The following SGPP1 variants were observed in gnomAD, a reference collection of about 807,000 sequenced individuals.
SGPP1 encodes hSPP1.
SGPP1 carries 21 observed loss-of-function variants against 33.0 expected under a neutral mutation model. That is an observed-to-expected ratio of 0.64 (90% CI 0.45 to 0.92). SGPP1 has a LOEUF of 0.92. Ranked by LOEUF, SGPP1 falls within the 40% of genes least tolerant of loss-of-function variation. The pLI is 0.00. For synonymous variants in SGPP1, 239 were observed against 241.2 expected (o/e 0.99, Z 0.08); for missense variants, 543 against 589.4 (o/e 0.92, Z 0.81).
intron 2 of SGPP1, among the ~76,000 whole-genome samples, chr14:63,687,205 C>T (rs984638645): frequency 6.6e-6 from 1 of 152,056 alleles, no homozygotes; most frequent in Admixed American, 6.6e-5. Flanking sequence ...CTTTGGGAGG[C>T]TGAGGTGGGT....
In SGPP1 at chr14:63,698,484, G is replaced by T. The variant is rs533335034; in HGVS notation, c.774+85C>A. ...CAATATTTTCTCATTTAGGCTTCAG[G>T]TAAGTTTGCAAATGATTAAAAATTA... is the stretch of plus-strand genomic sequence containing the variant. On this transcript the variant is annotated intron_variant, in intron 2 of 2. Transcript: ENST00000247225. 1.4e-5 allele frequency: 9 copies of T among 664,632 alleles called. No individual in the cohort carries two copies. In the East Asian group the frequency reaches 2.2e-4, roughly 16 times the overall value. 41.2% of individuals were successfully genotyped at this position (664,632 alleles called of 1,614,324 possible). A position where few individuals can be genotyped will look rare whatever the true frequency, so the allele number is the denominator to read the frequency against.
chr14:63,693,770 T>C (rs1238274982), intron 2 of SGPP1, among the ~76,000 whole-genome samples: 1 of 152,178 alleles, frequency 6.6e-6, no homozygotes, highest in African/African-American at 2.4e-5. Context: ...CAAGCCACCA[T>C]GACCAACTTA....
chr14:63,686,471 G>C lies in SGPP1; in HGVS notation c.960C>G (p.Ala320=), dbSNP rs201520860. 1.8e-3 allele frequency: 2,842 copies of C among 1,614,022 alleles called. 61 individuals are homozygous for C. The South Asian group carries it at 0.029, about 17-fold the overall frequency. ...DTWSTSRGDT[A]EILGSGAGIA... ...TTCCAGCACCACTTCCTAGTATCTC[G>C]GCTGTGTCTCCTCGGGATGTGCTCC... The change falls in exon 3 of 3, where the codon GCC becomes GCG. Residue 320 remains alanine, a synonymous_variant. Coordinates refer to ENST00000247225, the MANE Select transcript of SGPP1 (RefSeq NM_030791.4).
At chr14:63,716,118 T>C (rs1182497666) in intron 1 of SGPP1, among the ~76,000 whole-genome samples, 1 of 152,192 alleles carries the variant, frequency 6.6e-6, no homozygotes, top group African/African-American at 2.4e-5. Context: ...TAGGAAAATA[T>C]GATCTATAAT....
At position 63,727,456 on chromosome 14, in the gene SGPP1, G is replaced by A. The variant is rs1297288230; in HGVS notation, c.489C>T (p.Leu163=). The change falls in exon 1 of 3, where the codon CTC becomes CTT. Residue 163 remains leucine (L), a synonymous_variant. Transcript: ENST00000247225. The part of the protein sequence containing the change: ...WNLDPLVGRR[L]VVIWVLVMYL... ...ACATGACCAGCACCCAGATGACCAC[G>A]AGCCTCCGGCCCACCAGAGGGTCCA... The A allele has an allele frequency of 6.2e-7, 1 of 1,614,160 alleles. No individual in the cohort carries two copies. The highest frequency in any genetic ancestry group is 8.5e-7 in the Non-Finnish European group (1 of 1,180,022).
intron 1 of SGPP1, among the ~76,000 whole-genome samples, chr14:63,719,987 A>T (rs1316147106): frequency 6.6e-6 from 1 of 151,368 alleles, no homozygotes; most frequent in Non-Finnish European, 1.5e-5. Context: ...TTAGCTGGAC[A>T]TGGTGGTAGG....
intron 1 of SGPP1, among the ~76,000 whole-genome samples, chr14:63,698,948 TAGG>T (rs1274508770): frequency 6.6e-6 from 1 of 152,166 alleles, no homozygotes; most frequent in Non-Finnish European, 1.5e-5. Flanking sequence ...TGGCATGGTA[TAGG>T]AGGAGGAGGA....
chr14:63,725,114 T>G (rs898619362), intron 1 of SGPP1, among the ~76,000 whole-genome samples: 10 of 152,204 alleles, frequency 6.6e-5, no homozygotes, highest in East Asian at 5.8e-4. Flanking sequence ...GGCTCACGCC[T>G]GTAATCCCAG....
intron 1 of SGPP1, 148 bp from the exon 2 acceptor site, chr14:63,698,806 C>T (rs1445831319): frequency 2.3e-6 from 1 of 443,646 alleles, no homozygotes; most frequent in Non-Finnish European, 4.1e-6. Context: ...GCACCTAACC[C>T]TGAGTATGGC....
rs367745142 is a variant in SGPP1 at position 63,727,592 on chromosome 14, C to A, written c.353G>T (p.Gly118Val). The A allele has an allele frequency of 1.9e-6, 3 of 1,560,360 alleles. No homozygotes were observed. In the African/African-American group the frequency reaches 4.2e-5, roughly 22 times the overall value. The change falls in exon 1 of 3, where the codon GGC becomes GTC. Residue 118 changes from glycine to valine, a missense_variant. Physicochemically the swap from Gly to Val is moderately radical, Grantham distance 109. Coordinates refer to ENST00000247225, the MANE Select transcript of SGPP1 (RefSeq NM_030791.4). ...LRRNSLTGEE[G>V]QLARVSNWPL... ...CCAGTTGCTCACGCGGGCCAGCTGG[C>A]CCTCCTCGCCCGTCAGCGAGTTGCG...
At chr14:63,716,110 G>C (rs1885617599) in intron 1 of SGPP1, among the ~76,000 whole-genome samples, 1 of 152,096 alleles carries the variant, frequency 6.6e-6, no homozygotes, top group South Asian at 2.1e-4. Flanking sequence ...CAAGGAATTA[G>C]GAAAATATGA....
chr14:63,696,609 CAGAA>C (rs1404088765), intron 2 of SGPP1, among the ~76,000 whole-genome samples: 2 of 152,052 alleles, frequency 1.3e-5, no homozygotes, highest in Non-Finnish European at 2.9e-5. Context: ...AGAGATTAGT[CAGAA>C]AGAAGTGTAT....
intron 2 of SGPP1, among the ~76,000 whole-genome samples, chr14:63,693,077 C>T (rs951858379): frequency 6.6e-5 from 10 of 152,124 alleles, no homozygotes; most frequent in Admixed American, 1.3e-4. Flanking sequence ...CACAGGCACA[C>T]ACCACCACAC....
At chr14:63,701,126 G>GT (rs1885290063) in intron 1 of SGPP1, among the ~76,000 whole-genome samples, 1 of 152,050 alleles carries the variant, frequency 6.6e-6, no homozygotes, top group African/African-American at 2.4e-5. Flanking sequence ...GACTAGAGGT[G>GT]TGCCACCACA....
chr14:63,688,425 T>G (rs1276075750), intron 2 of SGPP1, among the ~76,000 whole-genome samples: 1 of 151,848 alleles, frequency 6.6e-6, no homozygotes, highest in Non-Finnish European at 1.5e-5. Flanking sequence ...TCAGAGACGG[T>G]TCCTAGTTTT....
Position 63,727,523 on chromosome 14 carries a change from T to G in SGPP1, c.422A>C (p.Glu141Ala). Residue 141 changes from glutamate to alanine, a missense_variant, in exon 1 of 3, where the codon GAA becomes GCA. Coordinates refer to ENST00000247225, the MANE Select transcript of SGPP1 (RefSeq NM_030791.4). ...LFCFGTELGN[E>A]LFYILFFPFW... Reference sequence around the variant, plus strand: ...GGGGAAGAACAGGATGTAGAAGAGTTCGTTGCCCAGCTCCGTGCCGAAGCA... The same window carrying G: ...GGGGAAGAACAGGATGTAGAAGAGTGCGTTGCCCAGCTCCGTGCCGAAGCA... The G allele has an allele frequency of 6.2e-7, 1 of 1,614,046 alleles. No individual in the cohort carries two copies. The highest frequency in any genetic ancestry group is 8.5e-7 in the Non-Finnish European group (1 of 1,180,000).
intron 2 of SGPP1, among the ~76,000 whole-genome samples, chr14:63,688,277 T>C (rs187325132): frequency 0.013 from 1,775 of 137,568 alleles, 47 homozygotes; most frequent in African/African-American, 0.044. Flanking sequence ...GATGGCGCCA[T>C]TGCACTCCAG....
intron 1 of SGPP1, among the ~76,000 whole-genome samples, chr14:63,703,699 T>A (rs1392682814): frequency 7.0e-6 from 1 of 143,216 alleles, no homozygotes; most frequent in Non-Finnish European, 1.5e-5. Context: ...TGAAAAGATA[T>A]CCCATGTTTA....
intron 2 of SGPP1, among the ~76,000 whole-genome samples, chr14:63,688,315 C>CAAAAAA (rs71120275): frequency 1.3e-4 from 4 of 31,412 alleles, no homozygotes; most frequent in Admixed American, 3.9e-4. Context: ...GACTCTGTCT[C>CAAAAAA]AAAAAAAAAA....
Sources: gnomAD v4.1 joint callset for allele counts (sites outside exome capture counted in the v4.1 genomes callset) on GRCh38, gnomAD v4.1.1 for gene constraint, MANE v1.5 for transcripts, NCBI Gene and HGNC (gene_info 2026-07-23, HGNC 2026-07-21) for gene names.